SGCZ: variants seen among roughly 807,000 people sequenced by gnomAD.
SGCZ encodes the protein zeta-sarcoglycan.
A neutral mutation model predicts 41.3 loss-of-function variants in SGCZ; 40 were observed. The observed-to-expected ratio is 0.97, with a 90% confidence interval of 0.75 to 1.26. SGCZ has a LOEUF of 1.26. Ranked by LOEUF, SGCZ falls within the 50% of genes most tolerant of loss-of-function variation. SGCZ has a pLI of 0.00. For missense variants in SGCZ, 552 were observed against 369.8 expected (o/e 1.49, Z -4.04); for synonymous variants, 206 against 137.5 (o/e 1.50, Z -3.49).
In SGCZ at chr8:14,468,111, G is replaced by A. The variant is rs530480315; in HGVS notation, c.234+86621C>T. Among the ~76,000 whole-genome samples, 12 of 151,830 alleles carry A rather than the reference G, an allele frequency of 7.9e-5. No homozygotes were observed. In the South Asian group the frequency reaches 8.3e-4, roughly 10 times the overall value. ...CATTTTTTCAAAGAGGTGGCACATCGCTTATGAGTTTGGGTTTAATGATCA... is the reference window on the plus strand; with the variant it reads ...CATTTTTTCAAAGAGGTGGCACATCACTTATGAGTTTGGGTTTAATGATCA... On this transcript the variant is annotated intron_variant, in intron 2 of 7. Coordinates refer to ENST00000382080, the MANE Select transcript of SGCZ (RefSeq NM_139167.4).
intron 1 of SGCZ, among the ~76,000 whole-genome samples, chr8:14,581,269 G>C (rs1804878671): frequency 6.6e-6 from 1 of 151,802 alleles, no homozygotes; most frequent in Non-Finnish European, 1.5e-5. Context: ...CACAACACCT[G>C]CCTGATTTTT....
chr8:14,934,487 G>A (rs1800020773), intron 1 of SGCZ, among the ~76,000 whole-genome samples: 1 of 151,682 alleles, frequency 6.6e-6, no homozygotes, highest in African/African-American at 2.4e-5. Flanking sequence ...TTACAAAGGA[G>A]ATTAGCCACA....
chr8:14,219,261 T>G (rs1806104785), intron 4 of SGCZ, among the ~76,000 whole-genome samples: 1 of 152,158 alleles, frequency 6.6e-6, no homozygotes, highest in Non-Finnish European at 1.5e-5. Flanking sequence ...GGTCACTGTT[T>G]GATGGTCTGC....
At chr8:14,473,790 T>G (rs1016379675) in intron 2 of SGCZ, among the ~76,000 whole-genome samples, 1 of 151,588 alleles carries the variant, frequency 6.6e-6, no homozygotes, top group Non-Finnish European at 1.5e-5. Context: ...ACAAAAAAAT[T>G]AGCCAGGCGT....
rs58090412 is a variant in SGCZ, at chr8:15,025,873, C to A, written c.39+211712G>T. Among the ~76,000 whole-genome samples the A allele has an allele frequency of 9.2e-5, 14 of 152,152 alleles. No individual in the cohort carries two copies. In the South Asian group the frequency reaches 2.9e-3, roughly 32 times the overall value. On this transcript the variant is annotated intron_variant, in intron 1 of 7. Transcript: ENST00000382080. ...ATTTTTATATAAGTAAGACTATATA[C>A]GAATGTTTAATACATACTTTCATCT...
chr8:14,655,615 C>T (rs553231437), intron 1 of SGCZ, among the ~76,000 whole-genome samples: 4 of 152,064 alleles, frequency 2.6e-5, no homozygotes, highest in Non-Finnish European at 5.9e-5. Flanking sequence ...ATAGAGACAC[C>T]TTTAATTCTT....
chr8:14,485,093 G>A (rs1026228574), intron 2 of SGCZ, among the ~76,000 whole-genome samples: 3 of 152,140 alleles, frequency 2.0e-5, no homozygotes, highest in African/African-American at 4.8e-5. Context: ...CTGAGACAGA[G>A]GCTACTAATT....
intron 1 of SGCZ, among the ~76,000 whole-genome samples, chr8:14,740,316 G>T (rs1356866661): frequency 6.6e-6 from 1 of 152,018 alleles, no homozygotes; most frequent in Non-Finnish European, 1.5e-5. Flanking sequence ...TGACTTAACA[G>T]TGACCTTGAC....
chr8:15,231,297 A>G (rs1801930566), intron 1 of SGCZ, among the ~76,000 whole-genome samples: 1 of 152,204 alleles, frequency 6.6e-6, no homozygotes, highest in South Asian at 2.1e-4. Flanking sequence ...AACCTATTTA[A>G]TACCAGCAAA....
At chr8:14,933,395 C>A (rs1176777734) in intron 1 of SGCZ, among the ~76,000 whole-genome samples, 1 of 151,320 alleles carries the variant, frequency 6.6e-6, no homozygotes, top group Non-Finnish European at 1.5e-5. Flanking sequence ...TATTTCAGCA[C>A]CATTGAAGGA....
rs549939244 is a variant in SGCZ at position 14,093,575 on chromosome 8, T to G, written c.745-2938A>C. On this transcript the variant is annotated intron_variant, in intron 7 of 7. Transcript: ENST00000382080. ...AACCGAAATACTTTTCTCCAGAGAT[T>G]TAATGAGTGGGGGGAGATATTAACT... 1.4e-4 allele frequency among the ~76,000 whole-genome samples: 21 copies of G among 152,188 alleles called. No homozygotes were observed. In the South Asian group the frequency reaches 3.7e-3, roughly 27 times the overall value.
At chr8:14,491,711 T>C (rs1380700962) in intron 2 of SGCZ, among the ~76,000 whole-genome samples, 1 of 152,220 alleles carries the variant, frequency 6.6e-6, no homozygotes, top group Non-Finnish European at 1.5e-5. Flanking sequence ...TTTTCTTTGT[T>C]ACACTGTCCA....
At chr8:14,704,902 A>T (rs943144182) in intron 1 of SGCZ, among the ~76,000 whole-genome samples, 10 of 151,998 alleles carry the variant, frequency 6.6e-5, no homozygotes, top group Non-Finnish European at 1.3e-4. Flanking sequence ...AAAGCACTAT[A>T]AGAATCGATG....
intron 1 of SGCZ, among the ~76,000 whole-genome samples, chr8:15,063,992 G>A (rs1045489760): frequency 6.6e-6 from 1 of 152,024 alleles, no homozygotes; most frequent in East Asian, 1.9e-4. Context: ...TTTTATTCTG[G>A]TATTGTATAA....
chr8:14,894,551 T>C (rs1432727674), intron 1 of SGCZ, among the ~76,000 whole-genome samples: 1 of 152,138 alleles, frequency 6.6e-6, no homozygotes, highest in Non-Finnish European at 1.5e-5. Context: ...AACAGGAGCT[T>C]ATCTTTGCTT....
intron 1 of SGCZ, among the ~76,000 whole-genome samples, chr8:15,125,110 C>T (rs1417228006): frequency 6.6e-6 from 1 of 152,152 alleles, no homozygotes; most frequent in Non-Finnish European, 1.5e-5. Flanking sequence ...TTACCATCTT[C>T]TTTGGCAAGC....
At chr8:14,328,167 G>C (rs1350426452) in intron 2 of SGCZ, among the ~76,000 whole-genome samples, 1 of 152,082 alleles carries the variant, frequency 6.6e-6, no homozygotes, top group African/African-American at 2.4e-5. Context: ...TAATCAACCT[G>C]ACTCTCACAC....
At chr8:15,225,122 G>A (rs533412994) in intron 1 of SGCZ, among the ~76,000 whole-genome samples, 7 of 152,110 alleles carry the variant, frequency 4.6e-5, no homozygotes, top group Admixed American at 4.6e-4. Context: ...TCCCCAACAA[G>A]TGAAAACATA....
intron 1 of SGCZ, among the ~76,000 whole-genome samples, chr8:14,628,099 C>T (rs1460501614): frequency 6.6e-6 from 1 of 151,944 alleles, no homozygotes; most frequent in Non-Finnish European, 1.5e-5. Context: ...TATGCTAGAA[C>T]ATGAAATTAA....
Sources: gnomAD v4.1 joint callset for allele counts (sites outside exome capture counted in the v4.1 genomes callset) on GRCh38, gnomAD v4.1.1 for gene constraint, MANE v1.5 for transcripts, NCBI Gene and HGNC (gene_info 2026-07-23, HGNC 2026-07-21) for gene names.